Variants in DMRTA1 observed in about 807,000 individuals in gnomAD.
DMRTA1 encodes doublesex- and mab-3-related transcription factor A1.
In DMRTA1, 34 loss-of-function variants were observed where a neutral mutation model predicts 35.2. The ratio of observed to expected loss-of-function variants is 0.97; its 90% CI spans 0.74 to 1.29. DMRTA1 has a LOEUF of 1.29. DMRTA1 is among the 50% of genes most tolerant of loss of function. The probability of loss-of-function intolerance (pLI) is 0.00; values close to 1 mark genes in which losing one functional copy is unlikely to be tolerated. For synonymous variants in DMRTA1, 344 were observed against 276.6 expected (o/e 1.24, Z -2.42); for missense variants, 824 against 644.6 (o/e 1.28, Z -3.01).
Position 22,454,228 on chromosome 9 carries a change from A to C in DMRTA1, c.*2317A>C, listed in dbSNP as rs1406706686. The stretch of plus-strand genomic sequence containing the variant: ...TAGTAATATGAGTCATCTGCAGTGG[A>C]ATTACTGTGCTCACTTCAGCAATTT... On this transcript the variant is annotated 3_prime_UTR_variant, in exon 2 of 2. Coordinates refer to ENST00000325870, the MANE Select transcript of DMRTA1 (RefSeq NM_022160.3). 1 of 151,962 alleles carries C rather than the reference A, an allele frequency of 6.6e-6. No individual in the cohort carries two copies. The highest frequency in any genetic ancestry group is 2.4e-5 in the African/African-American group (1 of 41,386). The allele number at this position is 151,962 out of a possible 1,614,324, so 9.4% of individuals were successfully genotyped here. A position where few individuals can be genotyped will look rare whatever the true frequency, so the allele number is the denominator to read the frequency against.
rs368202520 is a variant in DMRTA1 at position 22,451,445 on chromosome 9, G to A, written c.1049G>A (p.Arg350Gln). 6.6e-5 allele frequency: 107 copies of A among 1,613,994 alleles called. No homozygotes were observed. Among genetic ancestry groups the A allele is most frequent in the Middle Eastern group, 1.6e-4 (1 of 6,084 alleles). ...CGCAGCCGGCTAGAAGGCATTCTACGGTTCTGCAAAGGGGATGTGGTCCAA... is the reference window on the plus strand; with the variant it reads ...CGCAGCCGGCTAGAAGGCATTCTACAGTTCTGCAAAGGGGATGTGGTCCAA... ...YRRSRLEGIL[R>Q]FCKGDVVQAI... The change falls in exon 2 of 2, where the codon CGG becomes CAG. Residue 350 changes from arginine to glutamine, a missense_variant. Coordinates refer to ENST00000325870, the MANE Select transcript of DMRTA1 (RefSeq NM_022160.3).
At position 22,451,635 on chromosome 9, in the gene DMRTA1, A is replaced by C; in HGVS notation, c.1239A>C (p.Gln413His). 5 of 1,614,110 alleles carry C rather than the reference A, an allele frequency of 3.1e-6. No homozygotes were observed. Among genetic ancestry groups the C allele is most frequent in the South Asian group, 1.1e-5 (1 of 91,082 alleles). Residue 413 changes from glutamine to histidine, a missense_variant, in exon 2 of 2, where the codon CAA (glutamine) becomes CAC (histidine). Gln to His is a conservative substitution (Grantham distance 24). Transcript: ENST00000325870. ...ATAAATCAGCTTTCTCTCCTCTTCAAACTACTTCTGCTTCTTATGGAGGTG... is the reference window on the plus strand; with the variant it reads ...ATAAATCAGCTTTCTCTCCTCTTCACACTACTTCTGCTTCTTATGGAGGTG... Reference protein sequence around the residue: ...LGNKSAFSPLQTTSASYGGDS... With the variant: ...LGNKSAFSPLHTTSASYGGDS...
chr9:22,448,349 C>G (rs1818871025), intron 1 of DMRTA1, among the ~76,000 whole-genome samples: 1 of 152,212 alleles, frequency 6.6e-6, no homozygotes, highest in East Asian at 1.9e-4. Context: ...GGGGAAGAGA[C>G]TGAAATCTAC....
rs1818939386 is a variant in DMRTA1, at chr9:22,451,989, A to G, written c.*78A>G. On this transcript the variant is annotated 3_prime_UTR_variant, in exon 2 of 2. Coordinates refer to ENST00000325870, the MANE Select transcript of DMRTA1 (RefSeq NM_022160.3). ...CGTGCACACACATACACACACATCC[A>G]TTAATATACTTCAGTAAGTATGTGA... 5.2e-6 allele frequency: 8 copies of G among 1,529,682 alleles called. No homozygotes were observed. Among genetic ancestry groups the G allele is most frequent in the South Asian group, 1.2e-5 (1 of 81,186 alleles). 94.8% of individuals were successfully genotyped at this position (1,529,682 alleles called of 1,614,324 possible).
rs779087748 is a variant in DMRTA1, at chr9:22,447,530, G to A, written c.465G>A (p.Gly155=). 1 of 1,580,494 alleles carries A rather than the reference G, an allele frequency of 6.3e-7. No homozygotes were observed. The highest frequency in any genetic ancestry group is 8.6e-7 in the Non-Finnish European group (1 of 1,164,088). The change falls in exon 1 of 2, where the codon GGG becomes GGA. Residue 155 remains glycine (G), a synonymous_variant. Coordinates refer to ENST00000325870, the MANE Select transcript of DMRTA1 (RefSeq NM_022160.3). ...QQAQEESEAR[G]LQRLLCSGLS... is the part of the protein sequence containing the mutation. ...CGCAGGAGGAGAGCGAAGCCCGGGG[G>A]CTACAGAGGCTCCTGTGCTCGGGGC... is the stretch of plus-strand genomic sequence containing the variant.
rs1818926980 is a variant in DMRTA1 at position 22,451,471 on chromosome 9, G to A, written c.1075G>A (p.Ala359Thr). The A allele has an allele frequency of 6.8e-6, 11 of 1,614,186 alleles. No homozygotes were observed. The highest frequency in any genetic ancestry group is 8.5e-6 in the Non-Finnish European group (10 of 1,179,996). Residue 359 changes from alanine to threonine, a missense_variant, in exon 2 of 2, where the codon GCC becomes ACC. Coordinates refer to ENST00000325870, the MANE Select transcript of DMRTA1 (RefSeq NM_022160.3). The stretch of plus-strand genomic sequence containing the variant: ...GTTCTGCAAAGGGGATGTGGTCCAA[G>A]CCATTGAACAGGTTTTAAATGGCAA... ...LRFCKGDVVQ[A>T]IEQVLNGKEH...
At position 22,451,208 on chromosome 9, in the gene DMRTA1, C is replaced by G; in HGVS notation, c.812C>G (p.Ser271Cys). ...QSIGSSISEY[S>C]NKPDSILSPH... ...ATCGGGTCATCTATTTCAGAATACT[C>G]CAACAAGCCTGATAGTATCCTGTCT... Residue 271 changes from serine to cysteine, a missense_variant, in exon 2 of 2, where the codon TCC becomes TGC. Transcript: ENST00000325870. 6.2e-7 allele frequency: 1 copy of G among 1,614,076 alleles called. No homozygotes were observed. The highest frequency in any genetic ancestry group is 8.5e-7 in the Non-Finnish European group (1 of 1,179,978).
rs148996315 is a variant in DMRTA1 at position 22,451,795 on chromosome 9, C to T, written c.1399C>T (p.Arg467Trp). The change falls in exon 2 of 2, where the codon CGG (arginine) becomes TGG (tryptophan). Residue 467 changes from arginine (R) to tryptophan (W), a missense_variant. Transcript: ENST00000325870. ...TPGLVPTLPF[R>W]PALDYAFSGM... ...TGGGTTAGTACCAACCTTACCTTTT[C>T]GGCCAGCTTTGGATTATGCCTTTTC... is the stretch of plus-strand genomic sequence containing the variant. 55 of 1,614,024 alleles carry T rather than the reference C, an allele frequency of 3.4e-5. 1 individual carries two copies. The African/African-American group carries it at 3.7e-4, about 11-fold the overall frequency.
At position 22,447,058 on chromosome 9, in the gene DMRTA1, T is replaced by G; in HGVS notation, c.-8T>G. On this transcript the variant is annotated 5_prime_UTR_variant, in exon 1 of 2. Coordinates refer to ENST00000325870, the MANE Select transcript of DMRTA1 (RefSeq NM_022160.3). ...CACTTGGGACTCCCGGCCAGAAATT[T>G]CTCGGGAATGGAGCGGTCACAGTGT... 1 of 1,606,216 alleles carries G rather than the reference T, an allele frequency of 6.2e-7. No homozygotes were observed. The highest frequency in any genetic ancestry group is 8.5e-7 in the Non-Finnish European group (1 of 1,177,118).
chr9:22,448,132 A>G (rs942417816), intron 1 of DMRTA1, among the ~76,000 whole-genome samples: 2 of 152,168 alleles, frequency 1.3e-5, no homozygotes, highest in East Asian at 1.9e-4. Flanking sequence ...CTTTCCAGAC[A>G]GGATCTCACT....
In DMRTA1 at chr9:22,451,726, G is replaced by T; in HGVS notation, c.1330G>T (p.Ala444Ser). 6.2e-7 allele frequency: 1 copy of T among 1,614,090 alleles called. No homozygotes were observed. Among genetic ancestry groups the T allele is most frequent in the Non-Finnish European group, 8.5e-7 (1 of 1,179,936 alleles). ...TCCATTAAGGCTGGCATATTCTTCT[G>T]CAGGAAGAGGGTTATCTGGTTTTAT... ...ISPLRLAYSS[A>S]GRGLSGFMSP... is the part of the protein sequence containing the mutation. The change falls in exon 2 of 2, where the codon GCA becomes TCA. Residue 444 changes from alanine (A) to serine (S), a missense_variant. By Grantham distance (99) the Ala-to-Ser change is moderately conservative (BLOSUM62 1). Transcript: ENST00000325870.
chr9:22,451,717 T>C lies in DMRTA1; in HGVS notation c.1321T>C (p.Tyr441His). Residue 441 changes from tyrosine to histidine, a missense_variant, in exon 2 of 2, where the codon TAT (tyrosine) becomes CAT (histidine). By Grantham distance (83) the Tyr-to-His change is moderately conservative. Transcript: ENST00000325870. ...AGGTATCAGTCCATTAAGGCTGGCA[T>C]ATTCTTCTGCAGGAAGAGGGTTATC... ...RVGISPLRLA[Y>H]SSAGRGLSGF... The C allele has an allele frequency of 1.2e-6, 2 of 1,614,134 alleles. No individual in the cohort carries two copies. The highest frequency in any genetic ancestry group is 1.7e-6 in the Non-Finnish European group (2 of 1,179,942).
chr9:22,447,061 C>T lies in DMRTA1; in HGVS notation c.-5C>T, dbSNP rs767890747. On this transcript the variant is annotated 5_prime_UTR_variant, in exon 1 of 2. Transcript: ENST00000325870. The stretch of plus-strand genomic sequence containing the variant: ...TTGGGACTCCCGGCCAGAAATTTCT[C>T]GGGAATGGAGCGGTCACAGTGTGGC... 5.0e-6 allele frequency: 8 copies of T among 1,606,510 alleles called. No individual in the cohort carries two copies. In the East Asian group the frequency reaches 1.6e-4, roughly 32 times the overall value.
rs746326120 is a variant in DMRTA1, at chr9:22,447,326, G to A, written c.261G>A (p.Val87=). 5.5e-5 allele frequency: 84 copies of A among 1,536,562 alleles called. No homozygotes were observed. Among genetic ancestry groups the A allele is most frequent in the Non-Finnish European group, 6.7e-5 (77 of 1,145,540 alleles). ...APGLESGVGA[V]GCGYPRTPKC... is the part of the protein sequence containing the mutation. ...GGCTGGAGAGCGGGGTAGGCGCGGT[G>A]GGCTGCGGCTACCCGCGGACGCCCA... The change falls in exon 1 of 2, where the codon GTG becomes GTA. Residue 87 remains valine (V), a synonymous_variant. Coordinates refer to ENST00000325870, the MANE Select transcript of DMRTA1 (RefSeq NM_022160.3).
rs1380218850 is a variant in DMRTA1 at position 22,447,308 on chromosome 9, G to A, written c.243G>A (p.Glu81=). ...SGGCPPAPGL[E]SGVGAVGCGY... is the part of the protein sequence containing the mutation. ...GCTGCCCGCCGGCTCCCGGGCTGGA[G>A]AGCGGGGTAGGCGCGGTGGGCTGCG... Residue 81 remains glutamate, a synonymous_variant, in exon 1 of 2, where the codon GAG becomes GAA. Coordinates refer to ENST00000325870, the MANE Select transcript of DMRTA1 (RefSeq NM_022160.3). 27 of 1,523,210 alleles carry A rather than the reference G, an allele frequency of 1.8e-5. No individual in the cohort carries two copies. Among genetic ancestry groups the A allele is most frequent in the Non-Finnish European group, 2.4e-5 (27 of 1,139,960 alleles). 94.4% of individuals were successfully genotyped at this position (1,523,210 alleles called of 1,614,324 possible). A position where few individuals can be genotyped will look rare whatever the true frequency, so the allele number is the denominator to read the frequency against.
In DMRTA1 at chr9:22,453,640, C is replaced by G. The variant is rs1285106064; in HGVS notation, c.*1729C>G. ...ATTCATATATACTGAGTAAGAAACT[C>G]TTATATATAATAGATCTCTTTGAGA... On this transcript the variant is annotated 3_prime_UTR_variant, in exon 2 of 2. Transcript: ENST00000325870. The G allele has an allele frequency of 6.6e-6, 1 of 152,008 alleles. No individual in the cohort carries two copies. The highest frequency in any genetic ancestry group is 6.6e-5 in the Admixed American group (1 of 15,248). The allele number at this position is 152,008 out of a possible 1,614,324, so 9.4% of individuals were successfully genotyped here.
Position 22,454,666 on chromosome 9 carries a change from A to G in DMRTA1, c.*2755A>G, listed in dbSNP as rs1177440642. The G allele has an allele frequency of 1.3e-5, 2 of 152,178 alleles. No homozygotes were observed. Among genetic ancestry groups the G allele is most frequent in the African/African-American group, 2.4e-5 (1 of 41,448 alleles). The allele number at this position is 152,178 out of a possible 1,614,324, so 9.4% of individuals were successfully genotyped here. A position where few individuals can be genotyped will look rare whatever the true frequency, so the allele number is the denominator to read the frequency against. On this transcript the variant is annotated 3_prime_UTR_variant, in exon 2 of 2. Transcript: ENST00000325870. ...CCACTAATTAGTGGTGGGAAGAAAGAGGGGGTAAATGCTTTAAGAGCTAGC... is the reference window on the plus strand; with the variant it reads ...CCACTAATTAGTGGTGGGAAGAAAGGGGGGGTAAATGCTTTAAGAGCTAGC...
chr9:22,451,563 A>G lies in DMRTA1; in HGVS notation c.1167A>G (p.Arg389=). ...AACTGGAAAACACAGCCTTTCAGAG[A>G]GCTTCAAGTTTTAGTCTTGCTGGAA... is the stretch of plus-strand genomic sequence containing the variant. ...SEELENTAFQ[R]ASSFSLAGIG... is the part of the protein sequence containing the mutation. Residue 389 remains arginine (R), a synonymous_variant, in exon 2 of 2, where the codon AGA becomes AGG. Transcript: ENST00000325870. 1.9e-6 allele frequency: 3 copies of G among 1,614,180 alleles called. No individual in the cohort carries two copies. Among genetic ancestry groups the G allele is most frequent in the South Asian group, 2.2e-5 (2 of 91,086 alleles).
chr9:22,451,565 C>T lies in DMRTA1; in HGVS notation c.1169C>T (p.Ala390Val). The T allele has an allele frequency of 6.2e-7, 1 of 1,614,140 alleles. No homozygotes were observed. The highest frequency in any genetic ancestry group is 8.5e-7 in the Non-Finnish European group (1 of 1,179,972). ...CTGGAAAACACAGCCTTTCAGAGAG[C>T]TTCAAGTTTTAGTCTTGCTGGAATT... ...EELENTAFQR[A>V]SSFSLAGIGF... Residue 390 changes from alanine (A) to valine (V), a missense_variant, in exon 2 of 2, where the codon GCT (alanine) becomes GTT (valine). Physicochemically the swap from Ala to Val is moderately conservative, Grantham distance 64. Coordinates refer to ENST00000325870, the MANE Select transcript of DMRTA1 (RefSeq NM_022160.3).
Sources: gnomAD v4.1 joint callset for allele counts (sites outside exome capture counted in the v4.1 genomes callset) on GRCh38, gnomAD v4.1.1 for gene constraint, MANE v1.5 for transcripts, NCBI Gene and HGNC (gene_info 2026-07-23, HGNC 2026-07-21) for gene names.